Variants in CDC42BPB observed in about 807,000 individuals in gnomAD.
The protein encoded by CDC42BPB is serine/threonine-protein kinase MRCK beta.
CDC42BPB carries 37 observed loss-of-function variants against 214.9 expected under a neutral mutation model. The ratio of observed to expected loss-of-function variants is 0.17; its 90% CI spans 0.13 to 0.23. The LOEUF (loss-of-function observed/expected upper bound fraction) is 0.23, where lower values mean the gene tolerates loss of function less well. CDC42BPB is among the 10% of genes least tolerant of loss of function. CDC42BPB has a pLI of 1.00. For missense variants in CDC42BPB, 1,694 were observed against 2,227.0 expected, an observed-to-expected ratio of 0.76 and a Z score of 4.82; for synonymous variants, 931 against 884.0, an observed-to-expected ratio of 1.05 and a Z score of -0.94.
intron 11 of CDC42BPB, among the ~76,000 whole-genome samples, chr14:102,974,753 C>T (rs1893659341): frequency 6.6e-6 from 1 of 152,072 alleles, no homozygotes; most frequent in South Asian, 2.1e-4. Flanking sequence ...GTCAGGAGAT[C>T]GAGACCATCC....
chr14:103,041,585 C>A, intron 1 of CDC42BPB: 1 of 1,032,058 alleles, frequency 9.7e-7, no homozygotes, highest in Non-Finnish European at 1.5e-6. Context: ...GCCGGGCAAG[C>A]TAAAGTGCCC....
intron 5 of CDC42BPB, 133 bp downstream of exon 5, chr14:102,999,432 C>T: frequency 1.3e-6 from 1 of 763,612 alleles, no homozygotes; most frequent in Middle Eastern, 2.5e-4. Context: ...GCAAATCAGT[C>T]TGTGCTGCGG....
intron 13 of CDC42BPB, among the ~76,000 whole-genome samples, chr14:102,971,177 T>G (rs549153293): frequency 6.6e-6 from 1 of 152,284 alleles, no homozygotes; most frequent in South Asian, 2.1e-4. Flanking sequence ...CCATGAGAAC[T>G]CAACTGTTTT....
chr14:102,997,646 C>G (rs1212011878), intron 5 of CDC42BPB, among the ~76,000 whole-genome samples: 1 of 152,124 alleles, frequency 6.6e-6, no homozygotes, highest in Admixed American at 6.5e-5. Context: ...ATAACGTGGC[C>G]ACAATATCTG....
At chr14:103,043,194 A>G (rs1888103233) in intron 1 of CDC42BPB, among the ~76,000 whole-genome samples, 1 of 152,228 alleles carries the variant, frequency 6.6e-6, no homozygotes, top group Non-Finnish European at 1.5e-5. Context: ...CAATGAGCCA[A>G]GATCACGCCA....
intron 29 of CDC42BPB, chr14:102,945,229 C>T (rs1343611393): frequency 2.2e-6 from 1 of 458,234 alleles, no homozygotes. Flanking sequence ...GCCCCCTGCC[C>T]ATGGCCAGTT....
rs71119749 is a variant in CDC42BPB, at chr14:102,974,281, TACACACACAC to T, written c.1508-142_1508-133del. The T allele has an allele frequency of 2.1e-4, 280 of 1,316,140 alleles. No individual in the cohort carries two copies. In the South Asian group the frequency reaches 2.4e-3, roughly 11 times the overall value. The allele number at this position is 1,316,140 out of a possible 1,614,324, so 81.5% of individuals were successfully genotyped here. On this transcript the variant is annotated intron_variant, in intron 11 of 36. Transcript: ENST00000361246. ...TTTTTCATTCAGAGGTTTTTTTACT[TACACACACAC>T]ACACACACACACACACACACACACA...
chr14:102,949,919 A>C lies in CDC42BPB; in HGVS notation c.3310-15T>G. 1 of 1,612,288 alleles carries C rather than the reference A, an allele frequency of 6.2e-7. No individual in the cohort carries two copies. The highest frequency in any genetic ancestry group is 8.5e-7 in the Non-Finnish European group (1 of 1,179,216). On this transcript the variant is annotated splice_polypyrimidine_tract_variant and intron_variant, in intron 25 of 36. Coordinates refer to ENST00000361246, the MANE Select transcript of CDC42BPB (RefSeq NM_006035.4). ...GGCTTTGGGACCTATGAATAAAAAC[A>C]AACAGTGGCCACGTTCCACCAGGCC... is the stretch of plus-strand genomic sequence containing the variant.
At chr14:103,009,943 A>G (rs1476230165) in intron 2 of CDC42BPB, among the ~76,000 whole-genome samples, 2 of 152,210 alleles carry the variant, frequency 1.3e-5, no homozygotes, top group Non-Finnish European at 2.9e-5. Flanking sequence ...GGAGTTTGAG[A>G]CTAGCCTGGG....
At chr14:103,007,607 G>A (rs1218150090) in intron 3 of CDC42BPB, among the ~76,000 whole-genome samples, 2 of 152,238 alleles carry the variant, frequency 1.3e-5, no homozygotes, top group African/African-American at 2.4e-5. Context: ...CCGCAGGGCT[G>A]AGCAGCCTAG....
Position 102,968,558 on chromosome 14 carries a change from C to T in CDC42BPB, c.2154G>A (p.Glu718=). The change falls in exon 15 of 37, where the codon GAG becomes GAA. Residue 718 remains glutamate, a synonymous_variant. Transcript: ENST00000361246. ...HVLEVKNVKK[E]VHDSESHQLA... The stretch of plus-strand genomic sequence containing the variant: ...GCTGGTGGCTTTCTGAATCATGCAC[C>T]TCCTTCTTCACATTTTTCACTTCTA... The T allele has an allele frequency of 1.2e-6, 2 of 1,614,118 alleles. No homozygotes were observed. Among genetic ancestry groups the T allele is most frequent in the Non-Finnish European group, 1.7e-6 (2 of 1,180,030 alleles).
At chr14:102,974,822 G>A (rs935757423) in intron 11 of CDC42BPB, among the ~76,000 whole-genome samples, 8 of 152,248 alleles carry the variant, frequency 5.3e-5, no homozygotes, top group East Asian at 3.9e-4. Context: ...TTAGCCAGGC[G>A]TGGTGGGGGG....
intron 4 of CDC42BPB, 126 bp downstream of exon 4, chr14:103,003,802 T>TG (rs1201618996): frequency 2.8e-5 from 18 of 636,750 alleles, no homozygotes; most frequent in Non-Finnish European, 4.3e-5. Flanking sequence ...GCCCCGCCGT[T>TG]TTATCGAGTC....
At position 102,964,766 on chromosome 14, in the gene CDC42BPB, T is replaced by C. The variant is rs549335926; in HGVS notation, c.2578-116A>G. 24 of 1,366,638 alleles carry C rather than the reference T, an allele frequency of 1.8e-5. No individual in the cohort carries two copies. In the African/African-American group the frequency reaches 2.5e-4, roughly 15 times the overall value. 84.7% of individuals were successfully genotyped at this position (1,366,638 alleles called of 1,614,324 possible). On this transcript the variant is annotated intron_variant, in intron 18 of 36. Transcript: ENST00000361246. ...AAGCCATTACGGTCTCATTTAGATATTAACTCTAAATTATGGAGGTGCCTC... is the reference window on the plus strand; with the variant it reads ...AAGCCATTACGGTCTCATTTAGATACTAACTCTAAATTATGGAGGTGCCTC...
intron 18 of CDC42BPB, among the ~76,000 whole-genome samples, chr14:102,965,521 T>C (rs1157398253): frequency 6.6e-6 from 1 of 152,166 alleles, no homozygotes; most frequent in African/African-American, 2.4e-5. Context: ...GCCCAATGTA[T>C]GACATCAACT....
chr14:102,986,779 T>C, intron 5 of CDC42BPB, 199 bp from the exon 6 acceptor site: 1 of 963,356 alleles, frequency 1.0e-6, no homozygotes, highest in Non-Finnish European at 1.2e-6. Context: ...CCTCGTTTAG[T>C]CCCCAGTTAC....
chr14:102,938,885 C>G (rs890975145), intron 34 of CDC42BPB, among the ~76,000 whole-genome samples: 2 of 151,366 alleles, frequency 1.3e-5, no homozygotes, highest in Admixed American at 1.3e-4. Context: ...ACTGTGGCCT[C>G]CCAAAGTGCT....
intron 30 of CDC42BPB, chr14:102,940,678 C>A: frequency 3.0e-6 from 1 of 337,498 alleles, no homozygotes; most frequent in South Asian, 3.3e-5. Context: ...TTTGGAAATT[C>A]AGGTAGGGGC....
At chr14:103,039,744 A>G (rs983943407) in intron 1 of CDC42BPB, among the ~76,000 whole-genome samples, 3 of 152,106 alleles carry the variant, frequency 2.0e-5, no homozygotes, top group African/African-American at 7.2e-5. Context: ...TCTACCCTAC[A>G]CTGTACTGAA....
Sources: gnomAD v4.1 joint callset for allele counts (sites outside exome capture counted in the v4.1 genomes callset) on GRCh38, gnomAD v4.1.1 for gene constraint, MANE v1.5 for transcripts, NCBI Gene and HGNC (gene_info 2026-07-23, HGNC 2026-07-21) for gene names.